The following CAST variants were observed in gnomAD, a reference collection of about 807,000 sequenced individuals.
The protein encoded by CAST is MIR583 host.
Under a neutral mutation model 119.6 loss-of-function variants are expected in CAST, and 76 were observed. The ratio of observed to expected loss-of-function variants is 0.64; its 90% CI spans 0.53 to 0.77. CAST has a LOEUF of 0.77. Ranked by LOEUF, CAST falls within the 30% of genes least tolerant of loss-of-function variation. The pLI is 0.00. For synonymous variants in CAST, 319 were observed against 331.6 expected (o/e 0.96, Z 0.41); for missense variants, 953 against 946.5 (o/e 1.01, Z -0.09).
chr5:96,346,003 G>T, the CAST span, among the ~76,000 whole-genome samples: 2 of 152,148 alleles, frequency 1.3e-5, no homozygotes, highest in Admixed American at 1.3e-4. Flanking sequence ...CAGAAGGCAG[G>T]GATCACTGGG....
the CAST span, among the ~76,000 whole-genome samples, chr5:96,045,805 T>G: frequency 6.6e-6 from 1 of 152,152 alleles, no homozygotes; most frequent in East Asian, 1.9e-4. Context: ...GATGTCCTAT[T>G]GCCTCTTATT....
chr5:96,600,753 A>G (rs1747135896), intron 1 of CAST, among the ~76,000 whole-genome samples: 1 of 152,152 alleles, frequency 6.6e-6, no homozygotes, highest in Non-Finnish European at 1.5e-5. Flanking sequence ...AAGCTCACTC[A>G]CATTTATTTC....
the CAST span, among the ~76,000 whole-genome samples, chr5:96,284,611 G>A: frequency 6.6e-6 from 1 of 152,008 alleles, no homozygotes; most frequent in Non-Finnish European, 1.5e-5. Context: ...TATTGTGAGT[G>A]GACAAATAGA....
At chr5:96,084,486 C>G in the CAST span, among the ~76,000 whole-genome samples, 1 of 152,336 alleles carries the variant, frequency 6.6e-6, no homozygotes. Context: ...TCTTGTTAGG[C>G]TTTTGGATAA....
intron 3 of CAST, among the ~76,000 whole-genome samples, chr5:96,712,964 GTC>G (rs1329597982): frequency 1.3e-5 from 2 of 152,122 alleles, no homozygotes; most frequent in East Asian, 1.9e-4. Flanking sequence ...GACATTTTGA[GTC>G]TCTCATTTCT....
At chr5:96,232,765 A>G in the CAST span, among the ~76,000 whole-genome samples, 2 of 152,248 alleles carry the variant, frequency 1.3e-5, no homozygotes, top group South Asian at 4.1e-4. Context: ...CTTTATTTAA[A>G]GACATAAAAT....
the CAST span, among the ~76,000 whole-genome samples, chr5:96,036,468 T>C: frequency 6.6e-6 from 1 of 152,156 alleles, no homozygotes; most frequent in African/African-American, 2.4e-5. Flanking sequence ...ATTCATTCAG[T>C]AAACATTTAC....
intron 1 of CAST, among the ~76,000 whole-genome samples, chr5:96,594,165 A>C (rs969546088): frequency 6.6e-6 from 1 of 152,222 alleles, no homozygotes; most frequent in Non-Finnish European, 1.5e-5. Context: ...ATGCATAAAG[A>C]AAGCAATGAT....
the CAST span, among the ~76,000 whole-genome samples, chr5:96,102,903 G>A: frequency 6.6e-6 from 1 of 152,206 alleles, no homozygotes; most frequent in African/African-American, 2.4e-5. Flanking sequence ...GGCTTAATGA[G>A]AGGCTGCTCT....
chr5:96,126,731 C>T, the CAST span, among the ~76,000 whole-genome samples: 2 of 152,066 alleles, frequency 1.3e-5, no homozygotes, highest in African/African-American at 4.8e-5. Flanking sequence ...TGTACAAAAA[C>T]ACTGTGTACA....
At chr5:96,555,721 G>A (rs263389) in intron 1 of CAST, among the ~76,000 whole-genome samples, 51,340 of 151,522 alleles carry the variant, frequency 0.34, 9,311 homozygotes, top group Middle Eastern at 0.46. Flanking sequence ...TAAACAAAGC[G>A]GCCAGGAAGC....
At chr5:96,310,249 G>A in the CAST span, among the ~76,000 whole-genome samples, 1 of 152,196 alleles carries the variant, frequency 6.6e-6, no homozygotes, top group Non-Finnish European at 1.5e-5. Context: ...GTTTGTGAGT[G>A]TTGAATCATC....
the CAST span, among the ~76,000 whole-genome samples, chr5:96,362,180 T>A: frequency 6.6e-6 from 1 of 152,150 alleles, no homozygotes; most frequent in South Asian, 2.1e-4. Context: ...TTTTTATGGC[T>A]GCATAGTATT....
chr5:96,454,440 C>T, the CAST span, among the ~76,000 whole-genome samples: 86 of 152,292 alleles, frequency 5.6e-4, no homozygotes, highest in African/African-American at 1.6e-3. Flanking sequence ...GACTGGCAAC[C>T]GTCCCAGCCC....
At chr5:96,133,121 A>G in the CAST span, among the ~76,000 whole-genome samples, 12 of 152,338 alleles carry the variant, frequency 7.9e-5, no homozygotes, top group East Asian at 2.1e-3. Flanking sequence ...AAAGTGTTTT[A>G]AAAGTCTTAC....
the CAST span, among the ~76,000 whole-genome samples, chr5:96,310,868 A>T: frequency 6.6e-6 from 1 of 151,216 alleles, no homozygotes; most frequent in African/African-American, 2.4e-5. Context: ...TCAAAAAAAA[A>T]AAAGCCCCAA....
the CAST span, among the ~76,000 whole-genome samples, chr5:95,991,621 TCA>T: frequency 6.9e-6 from 1 of 144,274 alleles, no homozygotes; most frequent in African/African-American, 2.6e-5. Flanking sequence ...GTCTCCTACC[TCA>T]GCCTCCTGAG....
At chr5:96,317,392 G>A in the CAST span, among the ~76,000 whole-genome samples, 4 of 145,822 alleles carry the variant, frequency 2.7e-5, no homozygotes, top group Non-Finnish European at 5.9e-5. Context: ...CAGGAGAATC[G>A]CTTGAGCCCA....
chr5:96,177,870 G>T, the CAST span, among the ~76,000 whole-genome samples: 3,838 of 152,252 alleles, frequency 0.025, 175 homozygotes, highest in African/African-American at 0.089. Flanking sequence ...TGATTCCCCT[G>T]TTGATTCTTA....
Sources: allele counts gnomAD v4.1 joint callset (sites outside exome capture counted in the v4.1 genomes callset), GRCh38; gene constraint gnomAD v4.1.1; transcripts MANE v1.5; gene names NCBI Gene and HGNC (gene_info 2026-07-23, HGNC 2026-07-21).